Variants in MTOR observed in about 807,000 individuals in gnomAD.
MTOR encodes the protein serine/threonine-protein kinase mTOR.
A neutral mutation model predicts 319.8 loss-of-function variants in MTOR; 70 were observed. The observed-to-expected ratio is 0.22, with a 90% CI of 0.18 to 0.27. The LOEUF is 0.27. Ranked by LOEUF, MTOR falls within the 10% of genes least tolerant of loss-of-function variation. The pLI is 1.00. For missense variants in MTOR, 1,890 were observed against 3,274.4 expected, an observed-to-expected ratio of 0.58 and a Z score of 10.32; for synonymous variants, 1,183 against 1,211.4, an observed-to-expected ratio of 0.98 and a Z score of 0.49.
At chr1:11,194,277 C>T (rs546231465) in intron 28 of MTOR, among the ~76,000 whole-genome samples, 2 of 152,274 alleles carry the variant, frequency 1.3e-5, no homozygotes, top group African/African-American at 2.4e-5. Flanking sequence ...GAAAGAAGTT[C>T]GAGCCTTGTT....
chr1:11,114,734 G>T, intron 52 of MTOR, 79 bp downstream of exon 52: 2 of 1,390,664 alleles, frequency 1.4e-6, no homozygotes, highest in Non-Finnish European at 2.0e-6. Flanking sequence ...GAACTGATGG[G>T]CTCTAACAAG....
Position 11,247,969 on chromosome 1 carries a change from T to A in MTOR, c.966A>T (p.Val322=), listed in dbSNP as rs1226386076. 4.3e-6 allele frequency: 7 copies of A among 1,614,054 alleles called. No homozygotes were observed. Among genetic ancestry groups the A allele is most frequent in the Middle Eastern group, 1.6e-4 (1 of 6,084 alleles). The change falls in exon 7 of 58, where the codon GTA becomes GTT. Residue 322 remains valine, a synonymous_variant. Coordinates refer to ENST00000361445, the MANE Select transcript of MTOR (RefSeq NM_004958.4). The part of the protein sequence containing the change: ...HITPFTSFQA[V]QPQQSNALVG... ...CCAAGGCATTTGACTGCTGGGGCTG[T>A]ACAGCCTGGAAACTGGTGAAGGGGG...
At chr1:11,111,471 A>C (rs1428653421) in intron 54 of MTOR, 2 of 140,440 alleles carry the variant, frequency 1.4e-5, no homozygotes, top group Non-Finnish European at 3.0e-5. Context: ...ACAAAGCGAG[A>C]CTCTGTCTCA....
intron 29 of MTOR, among the ~76,000 whole-genome samples, chr1:11,158,435 T>TA (rs911679614): frequency 2.0e-4 from 30 of 152,284 alleles, no homozygotes; most frequent in Middle Eastern, 3.4e-3. Flanking sequence ...CCCTTGTACC[T>TA]ACTTTCCCTG....
chr1:11,226,558 AGGTG>A (rs139450319), intron 19 of MTOR, among the ~76,000 whole-genome samples: 8,980 of 152,158 alleles, frequency 0.059, 367 homozygotes, highest in South Asian at 0.12. Flanking sequence ...TGGGAGGCCA[AGGTG>A]GGCAGATAGC....
At chr1:11,255,081 A>G (rs1650186498) in intron 5 of MTOR, among the ~76,000 whole-genome samples, 1 of 152,138 alleles carries the variant, frequency 6.6e-6, no homozygotes, top group African/African-American at 2.4e-5. Context: ...ATTAATTATT[A>G]ATAAGAAGAA....
intron 1 of MTOR, among the ~76,000 whole-genome samples, chr1:11,260,180 G>C (rs1168092487): frequency 1.3e-5 from 2 of 152,110 alleles, no homozygotes; most frequent in Middle Eastern, 3.2e-3. Context: ...AATTAAAAAT[G>C]ACTAAGACTG....
intron 8 of MTOR, among the ~76,000 whole-genome samples, chr1:11,246,096 A>C (rs1436338619): frequency 6.6e-6 from 1 of 152,236 alleles, no homozygotes; most frequent in African/African-American, 2.4e-5. Context: ...TATGCAATGA[A>C]GCAAATACTT....
chr1:11,200,811 C>T (rs371045385), intron 26 of MTOR, among the ~76,000 whole-genome samples: 10 of 151,824 alleles, frequency 6.6e-5, no homozygotes, highest in East Asian at 3.9e-4. Flanking sequence ...GTCAGGAGAT[C>T]GAGACCATCC....
At chr1:11,201,354 C>A (rs569994185) in intron 26 of MTOR, among the ~76,000 whole-genome samples, 1 of 152,150 alleles carries the variant, frequency 6.6e-6, no homozygotes, top group Non-Finnish European at 1.5e-5. Context: ...TATCTCCACA[C>A]TACGGAAACA....
At chr1:11,172,478 T>A (rs551061628) in intron 28 of MTOR, among the ~76,000 whole-genome samples, 1 of 145,016 alleles carries the variant, frequency 6.9e-6, no homozygotes, top group South Asian at 2.2e-4. Context: ...GAGAATGGCA[T>A]GAACCCGAGA....
intron 2 of MTOR, among the ~76,000 whole-genome samples, chr1:11,259,040 T>G (rs1032846249): frequency 2.6e-5 from 4 of 152,170 alleles, no homozygotes; most frequent in African/African-American, 7.2e-5. Context: ...GCCCCTAAAA[T>G]GTGACCACAA....
chr1:11,234,783 T>C (rs545853426), intron 13 of MTOR, among the ~76,000 whole-genome samples: 12 of 152,016 alleles, frequency 7.9e-5, no homozygotes, highest in Non-Finnish European at 1.8e-4. Context: ...TAAACCTCAA[T>C]AGGTGGGGAT....
rs1645881676 is a variant in MTOR at position 11,199,122 on chromosome 1, A to C, written c.4253+136T>G. On this transcript the variant is annotated intron_variant, in intron 28 of 57. Transcript: ENST00000361445. This position sits in a 1 kb window ranked among gnomAD's most constrained non-coding sequence, Gnocchi z 4.5. ...GCCATCTGCAACAACATGTCATTTA[A>C]ACATGCTGGCCAGACCCAGAGGCAG... is the stretch of plus-strand genomic sequence containing the variant. The C allele has an allele frequency of 3.1e-5, 34 of 1,091,286 alleles. No individual in the cohort carries two copies. Among genetic ancestry groups the C allele is most frequent in the Non-Finnish European group, 3.9e-5 (29 of 751,382 alleles). The allele number at this position is 1,091,286 out of a possible 1,614,324, so 67.6% of individuals were successfully genotyped here. A position where few individuals can be genotyped will look rare whatever the true frequency, so the allele number is the denominator to read the frequency against.
intron 6 of MTOR, among the ~76,000 whole-genome samples, chr1:11,249,431 A>T (rs1232841716): frequency 2.9e-5 from 4 of 138,470 alleles, no homozygotes; most frequent in African/African-American, 5.8e-5. Context: ...TTATTTATTT[A>T]TTTTTTATTG....
In MTOR at chr1:11,141,472, G is replaced by GA. The variant is rs1006876005; in HGVS notation, c.4873-1815dup. ...CAACCTCTGCCTCCAAGGTTCAAGC[G>GA]ATTCTTCTGCCTCAGCCTCCTGAGT... is the stretch of plus-strand genomic sequence containing the variant. On this transcript the variant is annotated intron_variant, in intron 34 of 57. Transcript: ENST00000361445. Among the ~76,000 whole-genome samples the GA allele has an allele frequency of 1.7e-4, 26 of 151,972 alleles. No homozygotes were observed. The Middle Eastern group carries it at 0.01, about 60-fold the overall frequency.
At chr1:11,119,650 G>A (rs1642397991) in intron 49 of MTOR, among the ~76,000 whole-genome samples, 1 of 148,526 alleles carries the variant, frequency 6.7e-6, no homozygotes, top group South Asian at 2.1e-4. Context: ...GGAGGCTGAG[G>A]CAGGAGAATC....
intron 15 of MTOR, 88 bp downstream of exon 15, chr1:11,233,310 T>TAA (rs113278628): frequency 2.1e-5 from 21 of 1,024,296 alleles, no homozygotes; most frequent in African/African-American, 3.4e-5. Flanking sequence ...ACCTTTCATT[T>TAA]AAAAAAAAAA....
At chr1:11,173,680 T>C (rs954877134) in intron 28 of MTOR, among the ~76,000 whole-genome samples, 9 of 152,216 alleles carry the variant, frequency 5.9e-5, no homozygotes, top group African/African-American at 2.2e-4. Context: ...TTTTTCACTT[T>C]AATTTCCTAC....
Sources: allele counts gnomAD v4.1 joint callset (sites outside exome capture counted in the v4.1 genomes callset), GRCh38; gene constraint gnomAD v4.1.1; non-coding constraint Gnocchi (gnomAD v3.1); transcripts MANE v1.5; gene names NCBI Gene and HGNC (gene_info 2026-07-23, HGNC 2026-07-21).